ROBO2: variants seen among roughly 807,000 people sequenced by gnomAD.
The protein encoded by ROBO2 is roundabout homolog 2.
In ROBO2, 53 loss-of-function variants were observed where a neutral mutation model predicts 160.8. The ratio of observed to expected loss-of-function variants is 0.33; its 90% CI spans 0.26 to 0.41. The LOEUF (loss-of-function observed/expected upper bound fraction) is 0.41, where lower values mean the gene tolerates loss of function less well. Among genes scored for constraint, ROBO2 ranks in the 10% least tolerant of loss-of-function variants. The probability of loss-of-function intolerance (pLI) is 1.00; values close to 1 mark genes in which losing one functional copy is unlikely to be tolerated. For synonymous variants in ROBO2, 664 were observed against 611.7 expected (o/e 1.09, Z -1.26); for missense variants, 1,577 against 1,722.4 (o/e 0.92, Z 1.49).
At chr3:77,303,252 C>T (rs2062810223) in intron 2 of ROBO2, among the ~76,000 whole-genome samples, 1 of 152,086 alleles carries the variant, frequency 6.6e-6, no homozygotes, top group Admixed American at 6.6e-5. Flanking sequence ...GTTTGAATGT[C>T]TAGAATATTT....
intron 21 of ROBO2, among the ~76,000 whole-genome samples, chr3:77,616,213 G>A (rs2094772591): frequency 1.3e-5 from 2 of 152,122 alleles, no homozygotes; most frequent in African/African-American, 2.4e-5. Context: ...GGAAGAGTAG[G>A]CAGTTACAAG....
At chr3:77,251,044 T>C (rs1205925562) in intron 2 of ROBO2, among the ~76,000 whole-genome samples, 1 of 152,116 alleles carries the variant, frequency 6.6e-6, no homozygotes, top group Non-Finnish European at 1.5e-5. Flanking sequence ...AGTTGCAATC[T>C]AGTGGCCCTG....
chr3:77,119,136 A>G (rs901240073), intron 2 of ROBO2, among the ~76,000 whole-genome samples: 10 of 152,152 alleles, frequency 6.6e-5, no homozygotes, highest in Non-Finnish European at 1.5e-5. Flanking sequence ...CTTGTGAAGA[A>G]GGTGCTTGCT....
At chr3:77,200,293 A>ATATATG (rs2082748016) in intron 2 of ROBO2, among the ~76,000 whole-genome samples, 1 of 70,050 alleles carries the variant, frequency 1.4e-5, no homozygotes, top group Non-Finnish European at 2.8e-5. Flanking sequence ...ATATATATAT[A>ATATATG]TATATATATA....
In ROBO2 at chr3:76,967,427, G is replaced by C. The variant is rs143430427; in HGVS notation, c.110-130587G>C. On this transcript the variant is annotated intron_variant, in intron 2 of 26. Transcript: ENST00000487694. ...CCGCCATGTTGCCCAGGCTGGTCTC[G>C]AACTCCTGGCCTCAAATGATCCATC... Among the ~76,000 whole-genome samples, 1,244 of 148,936 alleles carry C rather than the reference G, an allele frequency of 8.4e-3. 6 individuals are homozygous for C. Among genetic ancestry groups the C allele is most frequent in the African/African-American group, 0.029 (1,164 of 40,352 alleles).
At chr3:77,176,036 C>G (rs114434264) in intron 2 of ROBO2, among the ~76,000 whole-genome samples, 2,509 of 151,988 alleles carry the variant, frequency 0.017, 34 homozygotes, top group Non-Finnish European at 0.026. Context: ...AAAAATTAGT[C>G]TGTGGTAGGA....
intron 1 of ROBO2, among the ~76,000 whole-genome samples, chr3:77,097,196 C>T (rs1053310424): frequency 6.6e-6 from 1 of 152,138 alleles, no homozygotes; most frequent in East Asian, 1.9e-4. Context: ...GTACCATGCA[C>T]GTAACTGTCA....
At chr3:77,204,437 T>C (rs1235983081) in intron 2 of ROBO2, among the ~76,000 whole-genome samples, 2 of 152,228 alleles carry the variant, frequency 1.3e-5, no homozygotes, top group Admixed American at 1.3e-4. Context: ...GCTTTTTTTG[T>C]CCCTCAACAA....
intron 2 of ROBO2, among the ~76,000 whole-genome samples, chr3:77,411,703 T>A (rs1190764053): frequency 1.3e-5 from 2 of 152,208 alleles, no homozygotes; most frequent in East Asian, 3.8e-4. Flanking sequence ...TTTATGCATA[T>A]TAGCTTATAT....
intron 2 of ROBO2, among the ~76,000 whole-genome samples, chr3:76,915,247 T>C (rs2076229143): frequency 6.6e-6 from 1 of 152,158 alleles, no homozygotes. Flanking sequence ...AATAATTCAC[T>C]GTGAAATATA....
intron 2 of ROBO2, among the ~76,000 whole-genome samples, chr3:76,892,012 C>T (rs938133415): frequency 6.7e-6 from 1 of 150,108 alleles, no homozygotes; most frequent in African/African-American, 2.5e-5. Context: ...TAGGAGGTGA[C>T]CTGGGAGTTA....
At chr3:77,156,237 G>A (rs951701033) in intron 2 of ROBO2, among the ~76,000 whole-genome samples, 3 of 152,000 alleles carry the variant, frequency 2.0e-5, no homozygotes, top group African/African-American at 7.2e-5. Flanking sequence ...TTTCTGTACT[G>A]GTTGAGAAGG....
At chr3:75,911,193 T>C (rs1329717042) in intron 1 of ROBO2, among the ~76,000 whole-genome samples, 1 of 152,134 alleles carries the variant, frequency 6.6e-6, no homozygotes, top group African/African-American at 2.4e-5. Context: ...GAATGAGCAG[T>C]GAAAAAATTA....
intron 2 of ROBO2, among the ~76,000 whole-genome samples, chr3:76,132,321 A>G (rs770741074): frequency 7.1e-6 from 1 of 140,154 alleles, no homozygotes; most frequent in Non-Finnish European, 1.5e-5. Flanking sequence ...GAAGAGATTT[A>G]GTGCCCAAGG....
chr3:77,132,998 G>A (rs949502013), intron 2 of ROBO2, among the ~76,000 whole-genome samples: 2 of 152,114 alleles, frequency 1.3e-5, no homozygotes, highest in African/African-American at 2.4e-5. Flanking sequence ...GAAGCATGCT[G>A]TATAAATGCT....
At chr3:76,324,771 A>G (rs2072870285) in intron 2 of ROBO2, among the ~76,000 whole-genome samples, 1 of 152,332 alleles carries the variant, frequency 6.6e-6, no homozygotes, top group Non-Finnish European at 1.5e-5. Context: ...ACTACATGCA[A>G]TTTCTCTGTT....
At chr3:76,228,382 C>T (rs1704420305) in intron 2 of ROBO2, among the ~76,000 whole-genome samples, 1 of 152,132 alleles carries the variant, frequency 6.6e-6, no homozygotes, top group Middle Eastern at 3.2e-3. Flanking sequence ...GTGCATTTAT[C>T]AGCATAGATC....
intron 2 of ROBO2, among the ~76,000 whole-genome samples, chr3:77,411,473 C>G (rs2076796870): frequency 6.6e-6 from 1 of 152,060 alleles, no homozygotes; most frequent in Non-Finnish European, 1.5e-5. Flanking sequence ...AGATTTCAAC[C>G]TAAGAAGGAT....
At chr3:76,962,761 G>T (rs13326629) in intron 2 of ROBO2, among the ~76,000 whole-genome samples, 1 of 151,878 alleles carries the variant, frequency 6.6e-6, no homozygotes, top group South Asian at 2.1e-4. Context: ...GACTATGATC[G>T]TGCCACTGCA....
Sources: allele counts gnomAD v4.1 joint callset (sites outside exome capture counted in the v4.1 genomes callset), GRCh38; gene constraint gnomAD v4.1.1; transcripts MANE v1.5; gene names NCBI Gene and HGNC (gene_info 2026-07-23, HGNC 2026-07-21).